CSMD1: variants seen among roughly 807,000 people sequenced by gnomAD.
The protein encoded by CSMD1 is CUB and sushi domain-containing protein 1.
Under a neutral mutation model 417.5 loss-of-function variants are expected in CSMD1, and 213 were observed. The ratio of observed to expected loss-of-function variants is 0.51; its 90% CI spans 0.46 to 0.57. The LOEUF (loss-of-function observed/expected upper bound fraction) is 0.57, where lower values mean the gene tolerates loss of function less well. Among genes scored for constraint, CSMD1 ranks in the 20% least tolerant of loss-of-function variants. CSMD1 has a pLI of 0.00. For synonymous variants in CSMD1, 2,862 were observed against 1,736.8 expected (o/e 1.65, Z -16.11); for missense variants, 6,923 against 4,529.7 (o/e 1.53, Z -15.17).
At chr8:3,488,635 C>T (rs190203349) in intron 11 of CSMD1, among the ~76,000 whole-genome samples, 24 of 152,270 alleles carry the variant, frequency 1.6e-4, no homozygotes, top group South Asian at 8.3e-4. Flanking sequence ...TCTGCCTCCT[C>T]GCTGAGTCCT....
chr8:3,493,257 G>A (rs1001241568), intron 11 of CSMD1, among the ~76,000 whole-genome samples: 18 of 140,484 alleles, frequency 1.3e-4, no homozygotes, highest in African/African-American at 4.9e-4. Flanking sequence ...TCTGACCACT[G>A]CACTGCAGCC....
intron 12 of CSMD1, among the ~76,000 whole-genome samples, chr8:3,431,516 C>CT (rs1814216539): frequency 6.6e-6 from 1 of 152,220 alleles, no homozygotes; most frequent in East Asian, 1.9e-4. Flanking sequence ...ATCCCCATGC[C>CT]TTTTTTCCAG....
intron 22 of CSMD1, among the ~76,000 whole-genome samples, chr8:3,344,219 C>T (rs1478692250): frequency 2.0e-5 from 3 of 152,178 alleles, no homozygotes; most frequent in Admixed American, 6.6e-5. Context: ...GGGTCTGTGT[C>T]ACCATCATAA....
rs1448577345 is a variant in CSMD1 at position 4,458,118 on chromosome 8, T to C, written c.303-38053A>G. Among the ~76,000 whole-genome samples, 5 of 152,266 alleles carry C rather than the reference T, an allele frequency of 3.3e-5. No individual in the cohort carries two copies. The East Asian group carries it at 9.6e-4, about 29-fold the overall frequency. On this transcript the variant is annotated intron_variant, in intron 2 of 69. Transcript: ENST00000635120. ...ACTTAATATTTCTTTACATGAAACT[T>C]TCTGTGTTTAAATTACTTTATGGTT...
chr8:4,034,606 G>A (rs1006019840), intron 3 of CSMD1, among the ~76,000 whole-genome samples: 6 of 152,100 alleles, frequency 3.9e-5, no homozygotes, highest in Non-Finnish European at 8.8e-5. Flanking sequence ...TCCATCAGCT[G>A]AGCCGAGAGC....
chr8:3,677,045 C>A (rs1799412506), intron 7 of CSMD1, among the ~76,000 whole-genome samples: 1 of 152,026 alleles, frequency 6.6e-6, no homozygotes, highest in Non-Finnish European at 1.5e-5. Context: ...GAACAAATAC[C>A]TAATGCATAC....
At chr8:3,776,809 T>TATATATATATATATAG (rs1554432752) in intron 5 of CSMD1, among the ~76,000 whole-genome samples, 2 of 148,852 alleles carry the variant, frequency 1.3e-5, no homozygotes, top group Non-Finnish European at 3.0e-5. Context: ...ATAGACGAGA[T>TATATATATATATATAG]ATATATATAT....
At chr8:3,598,845 G>A (rs747623818) in intron 8 of CSMD1, among the ~76,000 whole-genome samples, 1 of 152,094 alleles carries the variant, frequency 6.6e-6, no homozygotes, top group Non-Finnish European at 1.5e-5. Context: ...CACTTTGGGA[G>A]GCCGACACAG....
At chr8:3,901,965 G>A (rs2129134045) in intron 5 of CSMD1, among the ~76,000 whole-genome samples, 1 of 152,168 alleles carries the variant, frequency 6.6e-6, no homozygotes, top group Non-Finnish European at 1.5e-5. Context: ...GCTTAGTATT[G>A]GCTTTAAATG....
intron 5 of CSMD1, among the ~76,000 whole-genome samples, chr8:3,867,652 G>C (rs1277140120): frequency 1.3e-5 from 2 of 151,926 alleles, no homozygotes; most frequent in East Asian, 1.9e-4. Context: ...TCTATGTATA[G>C]TATCTTGGTT....
chr8:3,798,058 A>G (rs952952205), intron 5 of CSMD1, among the ~76,000 whole-genome samples: 2 of 151,926 alleles, frequency 1.3e-5, no homozygotes, highest in Non-Finnish European at 2.9e-5. Flanking sequence ...TTTCTTCTTA[A>G]TAATCCATTG....
At chr8:3,304,726 T>A (rs1276736310) in intron 25 of CSMD1, among the ~76,000 whole-genome samples, 1 of 26,292 alleles carries the variant, frequency 3.8e-5, no homozygotes, top group South Asian at 8.7e-4. Flanking sequence ...TTTTTTATTT[T>A]TCTCTTTTTA....
chr8:4,106,342 A>G (rs550546918), intron 3 of CSMD1, among the ~76,000 whole-genome samples: 6 of 152,302 alleles, frequency 3.9e-5, no homozygotes, highest in Non-Finnish European at 5.9e-5. Flanking sequence ...CACAATACCT[A>G]TATTTTTTAA....
chr8:3,236,407 T>G (rs370837533), intron 26 of CSMD1, among the ~76,000 whole-genome samples: 1 of 152,132 alleles, frequency 6.6e-6, no homozygotes, highest in African/African-American at 2.4e-5. Flanking sequence ...GTTAGCCAGA[T>G]TGGACTAAAA....
At chr8:3,997,774 C>G in intron 5 of CSMD1, 129 bp downstream of exon 5, 2 of 787,820 alleles carry the variant, frequency 2.5e-6, no homozygotes, top group Non-Finnish European at 4.0e-6. Flanking sequence ...GCCAAAAGAG[C>G]AAGGCGAAAA....
chr8:4,981,657 C>G (rs1016361599), intron 1 of CSMD1, among the ~76,000 whole-genome samples: 1 of 152,082 alleles, frequency 6.6e-6, no homozygotes, highest in African/African-American at 2.4e-5. Flanking sequence ...TTTTATATTA[C>G]TTTTCTAGAA....
At chr8:3,362,587 G>C (rs2117730081) in intron 20 of CSMD1, among the ~76,000 whole-genome samples, 1 of 152,248 alleles carries the variant, frequency 6.6e-6, no homozygotes, top group East Asian at 1.9e-4. Flanking sequence ...TGGGTTTCCA[G>C]TATTTCTTTT....
At chr8:4,932,306 G>C (rs966863929) in intron 1 of CSMD1, among the ~76,000 whole-genome samples, 1 of 149,550 alleles carries the variant, frequency 6.7e-6, no homozygotes, top group Non-Finnish European at 1.5e-5. Flanking sequence ...GTAACATTTG[G>C]TACCAAGTAA....
chr8:4,894,385 T>TTCTC (rs1052264348), intron 1 of CSMD1, among the ~76,000 whole-genome samples: 1 of 151,976 alleles, frequency 6.6e-6, no homozygotes, highest in Non-Finnish European at 1.5e-5. Context: ...TACTTTCATA[T>TTCTC]TCTCTCTTTC....
Sources: allele counts gnomAD v4.1 joint callset (sites outside exome capture counted in the v4.1 genomes callset), GRCh38; gene constraint gnomAD v4.1.1; transcripts MANE v1.5; gene names NCBI Gene and HGNC (gene_info 2026-07-23, HGNC 2026-07-21).